NRG1: variants seen among roughly 807,000 people sequenced by gnomAD.
NRG1 encodes the protein neuregulin 1.
Under a neutral mutation model 63.8 loss-of-function variants are expected in NRG1, and 18 were observed. The ratio of observed to expected loss-of-function variants is 0.28; its 90% CI spans 0.19 to 0.42. The LOEUF is 0.42. Among genes scored for constraint, NRG1 ranks in the 10% least tolerant of loss-of-function variants. NRG1 has a pLI of 1.00. For synonymous variants in NRG1, 302 were observed against 301.3 expected, an observed-to-expected ratio of 1.00 and a Z score of -0.02; for missense variants, 762 against 814.7, an observed-to-expected ratio of 0.94 and a Z score of 0.79.
At chr8:32,548,543 C>T in exon 1 of NRG1, 1 of 1,254,162 alleles carries the variant, frequency 8.0e-7, no homozygotes, top group Non-Finnish European at 1.0e-6. Context: ...GCCGGACCGC[C>T]CGCCGCGTCC....
chr8:31,920,132 A>T (rs1285068166), intron 1 of NRG1, among the ~76,000 whole-genome samples: 1 of 152,094 alleles, frequency 6.6e-6, no homozygotes, highest in Admixed American at 6.6e-5. Flanking sequence ...TTTAAGGAAC[A>T]TTGTTGAGGT....
At chr8:31,907,081 G>A (rs1354985265) in intron 1 of NRG1, among the ~76,000 whole-genome samples, 2 of 152,046 alleles carry the variant, frequency 1.3e-5, no homozygotes, top group Non-Finnish European at 2.9e-5. Context: ...GTGTTTTGGG[G>A]CCCACTGACT....
At chr8:31,753,819 T>TA (rs1423298704) in intron 1 of NRG1, among the ~76,000 whole-genome samples, 1 of 152,120 alleles carries the variant, frequency 6.6e-6, no homozygotes, top group African/African-American at 2.4e-5. Flanking sequence ...CAGCAACTAT[T>TA]AGTTATTATT....
chr8:32,463,874 CTTTTTTTTTTTTTTTTTTT>C lies in NRG1; in HGVS notation c.38-131933_38-131915del, dbSNP rs756489856. Among the ~76,000 whole-genome samples the C allele has an allele frequency of 6.0e-3, 256 of 42,356 alleles. 6 individuals are homozygous for C. The highest frequency in any genetic ancestry group is 0.022 in the African/African-American group (228 of 10,344). 27.8% of individuals were successfully genotyped at this position (42,356 alleles called of 152,430 possible). On this transcript the variant is annotated intron_variant, in intron 1 of 10. Transcript: ENST00000519301. ...ACACACACGAAAAAAACTTAGAATT[CTTTTTTTTTTTTTTTTTTT>C]TTTTTTTTTTTTTTTTTTTTGGGGG...
intron 1 of NRG1, among the ~76,000 whole-genome samples, chr8:32,165,839 G>A (rs1297178969): frequency 6.6e-6 from 1 of 152,126 alleles, no homozygotes; most frequent in Non-Finnish European, 1.5e-5. Context: ...ATGATAAGTG[G>A]TGTGAAAGAT....
chr8:31,692,233 TAGA>T (rs1485521000), intron 1 of NRG1, among the ~76,000 whole-genome samples: 1 of 152,222 alleles, frequency 6.6e-6, no homozygotes, highest in Admixed American at 6.5e-5. Context: ...TAATGAGTCA[TAGA>T]AGAATTTCTA....
At chr8:32,456,276 G>A (rs1044703997) in intron 1 of NRG1, among the ~76,000 whole-genome samples, 2 of 152,180 alleles carry the variant, frequency 1.3e-5, no homozygotes, top group South Asian at 4.1e-4. Context: ...AAATCTCACA[G>A]TATTTTCTGA....
At chr8:31,744,218 G>T (rs1375410774) in intron 1 of NRG1, among the ~76,000 whole-genome samples, 1 of 151,914 alleles carries the variant, frequency 6.6e-6, no homozygotes, top group African/African-American at 2.4e-5. Context: ...TTGTCTACTT[G>T]TCCTGACCCT....
At chr8:32,130,627 C>T (rs144509166) in intron 1 of NRG1, among the ~76,000 whole-genome samples, 16 of 151,928 alleles carry the variant, frequency 1.1e-4, no homozygotes, top group Non-Finnish European at 1.5e-4. Context: ...ATCTATACTG[C>T]GAGCTAACTG....
At chr8:31,667,528 C>T (rs190105824) in intron 1 of NRG1, among the ~76,000 whole-genome samples, 141 of 152,216 alleles carry the variant, frequency 9.3e-4, no homozygotes, top group Non-Finnish European at 1.6e-3. Flanking sequence ...TGCAGGGGTA[C>T]TACATTTGTA....
At chr8:32,358,663 A>G (rs2129480867) in intron 1 of NRG1, among the ~76,000 whole-genome samples, 1 of 152,316 alleles carries the variant, frequency 6.6e-6, no homozygotes, top group East Asian at 1.9e-4. Flanking sequence ...AGACTTATAG[A>G]TCATCTTCAA....
intron 1 of NRG1, among the ~76,000 whole-genome samples, chr8:32,224,617 T>C (rs1425790720): frequency 2.6e-5 from 4 of 152,198 alleles, no homozygotes; most frequent in Admixed American, 2.6e-4. Flanking sequence ...ACAAGAACTG[T>C]GTAATTAAAC....
intron 1 of NRG1, among the ~76,000 whole-genome samples, chr8:31,710,588 G>A (rs780419379): frequency 2.0e-5 from 3 of 151,874 alleles, no homozygotes; most frequent in Non-Finnish European, 2.9e-5. Context: ...GTTATACAAT[G>A]TTGTTTTTTG....
At chr8:32,416,859 T>C (rs1317237483) in intron 1 of NRG1, among the ~76,000 whole-genome samples, 2 of 152,066 alleles carry the variant, frequency 1.3e-5, no homozygotes, top group African/African-American at 2.4e-5. Context: ...CTAATTTTTG[T>C]ATTTTTGGTA....
At chr8:32,636,150 A>G (rs992241679) in intron 5 of NRG1, among the ~76,000 whole-genome samples, 3 of 152,018 alleles carry the variant, frequency 2.0e-5, no homozygotes, top group African/African-American at 7.2e-5. Flanking sequence ...TTAGAATCCT[A>G]TCTAAAAGCA....
At chr8:32,467,375 T>C (rs1410688794) in intron 1 of NRG1, among the ~76,000 whole-genome samples, 1 of 152,134 alleles carries the variant, frequency 6.6e-6, no homozygotes, top group Non-Finnish European at 1.5e-5. Flanking sequence ...AAGTGTGCTG[T>C]AGACCAGGAC....
At chr8:32,048,390 T>C (rs1260330596) in intron 1 of NRG1, among the ~76,000 whole-genome samples, 2 of 148,362 alleles carry the variant, frequency 1.3e-5, no homozygotes, top group African/African-American at 4.9e-5. Flanking sequence ...TATGAATATA[T>C]ATACATGTAC....
rs59995579 is a variant in NRG1 at position 32,503,322 on chromosome 8, T to A, written c.38-92506T>A. Among the ~76,000 whole-genome samples the A allele has an allele frequency of 6.8e-3, 763 of 111,448 alleles. 2 individuals are homozygous for A. The highest frequency in any genetic ancestry group is 9.9e-3 in the Admixed American group (99 of 9,954). 73.1% of individuals were successfully genotyped at this position (111,448 alleles called of 152,430 possible). ...AAAAAAAAAAAAAAAAAAAAGGAAATAAACTTAAATAGATAAACTTTAGTA... is the reference window on the plus strand; with the variant it reads ...AAAAAAAAAAAAAAAAAAAAGGAAAAAAACTTAAATAGATAAACTTTAGTA... On this transcript the variant is annotated intron_variant, in intron 1 of 10. Coordinates refer to the NRG1 transcript ENST00000519301.
chr8:32,112,381 T>A (rs1485344781), intron 1 of NRG1, among the ~76,000 whole-genome samples: 1 of 152,184 alleles, frequency 6.6e-6, no homozygotes, highest in Non-Finnish European at 1.5e-5. Context: ...GGGAAATGAG[T>A]TGAATGCTGT....
Sources: allele counts gnomAD v4.1 joint callset (sites outside exome capture counted in the v4.1 genomes callset), GRCh38; gene constraint gnomAD v4.1.1; transcripts MANE v1.5; gene names NCBI Gene and HGNC (gene_info 2026-07-23, HGNC 2026-07-21).